The following CXCL17 variants were observed in gnomAD, a reference collection of about 807,000 sequenced individuals.
CXCL17 encodes C-X-C motif chemokine ligand 17.
CXCL17 carries 9 observed loss-of-function variants against 15.5 expected under a neutral mutation model. The ratio of observed to expected loss-of-function variants is 0.58; its 90% CI spans 0.35 to 1.01. The LOEUF is 1.01. Among genes scored for constraint, CXCL17 ranks in the 50% least tolerant of loss-of-function variants. The pLI, the probability that CXCL17 is intolerant of heterozygous loss-of-function variation, is 0.02. For synonymous variants in CXCL17, 52 were observed against 52.3 expected, an observed-to-expected ratio of 0.99 and a Z score of 0.02; for missense variants, 133 against 138.2, an observed-to-expected ratio of 0.96 and a Z score of 0.19.
intron 1 of CXCL17, among the ~76,000 whole-genome samples, chr19:42,435,721 T>G (rs921676398): frequency 6.6e-6 from 1 of 151,818 alleles, no homozygotes; most frequent in Non-Finnish European, 1.5e-5. Flanking sequence ...TCCCAGCTAC[T>G]TGGAAGGCTG....
intron 1 of CXCL17, among the ~76,000 whole-genome samples, chr19:42,435,178 C>CAAAA (rs11289473): frequency 8.7e-6 from 1 of 114,324 alleles, no homozygotes; most frequent in Non-Finnish European, 2.0e-5. Context: ...GACACGGTCT[C>CAAAA]AAAAAAAAAA....
chr19:42,440,712 A>G (rs2040883433), intron 1 of CXCL17, among the ~76,000 whole-genome samples: 1 of 152,218 alleles, frequency 6.6e-6, no homozygotes. Context: ...CGACTTGTCT[A>G]GGGTTGCAAA....
chr19:42,439,528 A>G (rs1261819677), intron 1 of CXCL17, among the ~76,000 whole-genome samples: 1 of 152,202 alleles, frequency 6.6e-6, no homozygotes, highest in East Asian at 1.9e-4. Context: ...TCTCCACAAG[A>G]TACTTATTAA....
intron 3 of CXCL17, among the ~76,000 whole-genome samples, chr19:42,429,695 A>T (rs1453745963): frequency 1.3e-5 from 2 of 152,180 alleles, no homozygotes; most frequent in Non-Finnish European, 2.9e-5. Flanking sequence ...AAAAAATTTT[A>T]AAATCCAGTA....
chr19:42,429,015 A>G (rs778706242), intron 3 of CXCL17, 34 bp from the exon 4 acceptor site: 1 of 1,520,830 alleles, frequency 6.6e-7, no homozygotes, highest in South Asian at 1.1e-5. Context: ...GGCTAGTGTT[A>G]AAACCATTTT....
intron 3 of CXCL17, among the ~76,000 whole-genome samples, chr19:42,432,023 A>G (rs1467215886): frequency 1.3e-5 from 2 of 152,050 alleles, no homozygotes; most frequent in Admixed American, 1.3e-4. Flanking sequence ...TATTATACTC[A>G]TTTACAATTT....
intron 1 of CXCL17, among the ~76,000 whole-genome samples, chr19:42,439,030 G>A (rs998647149): frequency 3.9e-5 from 6 of 152,134 alleles, no homozygotes; most frequent in African/African-American, 1.2e-4. Flanking sequence ...AAAGTGGGGG[G>A]ATCACTTGAG....
chr19:42,435,841 A>AAAG (rs1217383808), intron 1 of CXCL17, among the ~76,000 whole-genome samples: 4 of 151,236 alleles, frequency 2.6e-5, no homozygotes, highest in Non-Finnish European at 4.4e-5. Flanking sequence ...AAAAAAAAAA[A>AAAG]AAAAGTAGGG....
Position 42,442,910 on chromosome 19 carries a change from G to C in CXCL17, c.-78C>G. On this transcript the variant is annotated 5_prime_UTR_variant, in exon 1 of 4. In the 5' UTR this introduces an upstream ATG that the reference lacks. Coordinates refer to ENST00000601181, the MANE Select transcript of CXCL17 (RefSeq NM_198477.3). ...CTGCTGGAGGCTCCTGATCCCTGGGGATGACTCAGGTCAGGATACTCAGCC... is the reference window on the plus strand; with the variant it reads ...CTGCTGGAGGCTCCTGATCCCTGGGCATGACTCAGGTCAGGATACTCAGCC... 1 of 1,092,782 alleles carries C rather than the reference G, an allele frequency of 9.2e-7. No homozygotes were observed. Among genetic ancestry groups the C allele is most frequent in the Non-Finnish European group, 1.4e-6 (1 of 728,530 alleles). 67.7% of individuals were successfully genotyped at this position (1,092,782 alleles called of 1,614,324 possible). A position where few individuals can be genotyped will look rare whatever the true frequency, so the allele number is the denominator to read the frequency against.
intron 3 of CXCL17, among the ~76,000 whole-genome samples, chr19:42,431,028 C>T (rs1177511508): frequency 6.6e-6 from 1 of 152,112 alleles, no homozygotes; most frequent in East Asian, 1.9e-4. Context: ...TAAGTAGAGA[C>T]GGGGTTTCAC....
chr19:42,432,861 T>C, intron 3 of CXCL17, 115 bp downstream of exon 3: 1 of 760,354 alleles, frequency 1.3e-6, no homozygotes, highest in South Asian at 1.5e-5. Flanking sequence ...AGGGCTGAGT[T>C]GTGTGCTTAT....
At chr19:42,434,724 C>T (rs929747669) in intron 1 of CXCL17, among the ~76,000 whole-genome samples, 4 of 152,094 alleles carry the variant, frequency 2.6e-5, no homozygotes, top group Non-Finnish European at 1.5e-5. Context: ...GCCACCACAC[C>T]CACCCCAAGT....
intron 3 of CXCL17, among the ~76,000 whole-genome samples, chr19:42,431,512 T>C (rs1449712867): frequency 1.3e-5 from 2 of 152,188 alleles, no homozygotes. Flanking sequence ...GTTGTGAATA[T>C]ATTCTCCTGT....
chr19:42,430,174 CA>C (rs1012685628), intron 3 of CXCL17, among the ~76,000 whole-genome samples: 6 of 150,248 alleles, frequency 4.0e-5, no homozygotes, highest in East Asian at 2.0e-4. Flanking sequence ...CCTCCCTCTG[CA>C]AAAAAAACAA....
chr19:42,432,479 G>A (rs2040793419), intron 3 of CXCL17, among the ~76,000 whole-genome samples: 1 of 152,072 alleles, frequency 6.6e-6, no homozygotes, highest in Non-Finnish European at 1.5e-5. Context: ...TTAAAAACTG[G>A]TAGACTAAAC....
At chr19:42,433,109 G>C (rs1028009387) in intron 2 of CXCL17, 32 bp from the exon 3 acceptor site, 1 of 1,478,766 alleles carries the variant, frequency 6.8e-7, no homozygotes, top group African/African-American at 1.4e-5. Flanking sequence ...TTAGATGGGA[G>C]AGTTAATACA....
In CXCL17 at chr19:42,439,168, C is replaced by A. The variant is rs938972669; in HGVS notation, c.79+3586G>T. On this transcript the variant is annotated intron_variant, in intron 1 of 3. Coordinates refer to ENST00000601181, the MANE Select transcript of CXCL17 (RefSeq NM_198477.3). The stretch of plus-strand genomic sequence containing the variant: ...ACTCAGGAGGCTGAGGTGGGAGGAT[C>A]GCTTGAGCCCAGAAGGTGGAGGCGG... Among the ~76,000 whole-genome samples, 8 of 146,932 alleles carry A rather than the reference C, an allele frequency of 5.4e-5. 1 individual carries two copies. Among genetic ancestry groups the A allele is most frequent in the African/African-American group, 1.8e-4 (7 of 39,820 alleles).
intron 3 of CXCL17, 118 bp downstream of exon 3, chr19:42,432,858 A>C (rs1184103951): frequency 1.3e-6 from 1 of 742,980 alleles, no homozygotes; most frequent in African/African-American, 1.7e-5. Context: ...GAAAGGGCTG[A>C]GTTGTGTGCT....
Position 42,428,588 on chromosome 19 carries a change from T to C in CXCL17, c.*296A>G, listed in dbSNP as rs2040740850. 3 of 268,338 alleles carry C rather than the reference T, an allele frequency of 1.1e-5. No homozygotes were observed. Among genetic ancestry groups the C allele is most frequent in the Non-Finnish European group, 2.1e-5 (3 of 142,016 alleles). The allele number at this position is 268,338 out of a possible 1,614,324, so 16.6% of individuals were successfully genotyped here. A position where few individuals can be genotyped will look rare whatever the true frequency, so the allele number is the denominator to read the frequency against. On this transcript the variant is annotated 3_prime_UTR_variant, in exon 4 of 4. Transcript: ENST00000601181. The stretch of plus-strand genomic sequence containing the variant: ...TGACTTCTGTTTGCTACTTTCCTGA[T>C]TGCATTTAAGGTTAAATGACACTAG...
Sources: allele counts gnomAD v4.1 joint callset (sites outside exome capture counted in the v4.1 genomes callset), GRCh38; gene constraint gnomAD v4.1.1; transcripts MANE v1.5; gene names NCBI Gene and HGNC (gene_info 2026-07-23, HGNC 2026-07-21).